Variants in TSPAN9 observed in about 807,000 individuals in gnomAD.
TSPAN9 encodes the protein tetraspanin 9.
Under a neutral mutation model 31.0 loss-of-function variants are expected in TSPAN9, and 16 were observed. That is an observed-to-expected ratio of 0.52 (90% confidence interval 0.35 to 0.78). TSPAN9 has a LOEUF of 0.78. Among genes scored for constraint, TSPAN9 ranks in the 30% least tolerant of loss-of-function variants. The pLI is 0.01. For missense variants in TSPAN9, 272 were observed against 312.5 expected (o/e 0.87, Z 0.98); for synonymous variants, 145 against 121.6 (o/e 1.19, Z -1.27).
chr12:3,182,803 G>T (rs976079647), intron 2 of TSPAN9, among the ~76,000 whole-genome samples: 2 of 152,192 alleles, frequency 1.3e-5, no homozygotes, highest in Non-Finnish European at 2.9e-5. Context: ...CATGCCAAGG[G>T]AGGGGAGGCT....
intron 2 of TSPAN9, among the ~76,000 whole-genome samples, chr12:3,117,462 C>T (rs2098322955): frequency 1.3e-5 from 2 of 149,312 alleles, no homozygotes; most frequent in Admixed American, 1.4e-4. Context: ...TAGGGCCTGT[C>T]TCTTCCGTTG....
At chr12:3,148,135 G>A (rs1466126124) in intron 2 of TSPAN9, among the ~76,000 whole-genome samples, 1 of 152,188 alleles carries the variant, frequency 6.6e-6, no homozygotes, top group Admixed American at 6.5e-5. Context: ...ATTGGCTAAA[G>A]CACTGTATGG....
At chr12:3,206,420 T>A (rs1288283648) in intron 3 of TSPAN9, 2 of 453,166 alleles carry the variant, frequency 4.4e-6, no homozygotes, top group Admixed American at 4.7e-5. Context: ...AAGGGAGAGG[T>A]GAGAGCATTC....
intron 3 of TSPAN9, among the ~76,000 whole-genome samples, chr12:3,249,590 A>G (rs1292568318): frequency 6.6e-6 from 1 of 152,132 alleles, no homozygotes; most frequent in Non-Finnish European, 1.5e-5. Context: ...GGCCGAGCCC[A>G]TGTCTGACTT....
intron 2 of TSPAN9, among the ~76,000 whole-genome samples, chr12:3,114,070 A>G (rs1565580533): frequency 6.6e-6 from 1 of 152,212 alleles, no homozygotes; most frequent in Non-Finnish European, 1.5e-5. Context: ...CCTCTCCTGC[A>G]TCTCTGACAT....
chr12:3,285,339 C>T lies in TSPAN9; in HGVS notation c.*2223C>T, dbSNP rs1277508278. On this transcript the variant is annotated 3_prime_UTR_variant, in exon 9 of 9. Coordinates refer to ENST00000011898, the MANE Select transcript of TSPAN9 (RefSeq NM_006675.5). The stretch of plus-strand genomic sequence containing the variant: ...TTTTGTTAATATCAACAGCAAAAGC[C>T]TAGTGCATTGGGAGATGTGCAACCT... 1 of 152,184 alleles carries T rather than the reference C, an allele frequency of 6.6e-6. No homozygotes were observed. Among genetic ancestry groups the T allele is most frequent in the Non-Finnish European group, 1.5e-5 (1 of 68,038 alleles). The allele number at this position is 152,184 out of a possible 1,614,324, so 9.4% of individuals were successfully genotyped here.
intron 3 of TSPAN9, among the ~76,000 whole-genome samples, chr12:3,241,532 C>T (rs2098396576): frequency 6.6e-6 from 1 of 152,222 alleles, no homozygotes; most frequent in Non-Finnish European, 1.5e-5. Context: ...AATACAACTT[C>T]ATATGACCAG....
At position 3,187,796 on chromosome 12, in the gene TSPAN9, T is replaced by A. The variant is rs910587453; in HGVS notation, c.-17-13381T>A. On this transcript the variant is annotated intron_variant, in intron 2 of 8. Transcript: ENST00000011898. This position sits in a 1 kb window ranked among gnomAD's most constrained non-coding sequence, Gnocchi z 5.2. ...ATGCAAGCCCAACACGTACCCCTTCTCCAAGAAGCCCTTCCTGATGGGCCA... is the reference window on the plus strand; with the variant it reads ...ATGCAAGCCCAACACGTACCCCTTCACCAAGAAGCCCTTCCTGATGGGCCA... Among the ~76,000 whole-genome samples the A allele has an allele frequency of 6.6e-6, 1 of 152,074 alleles. No individual in the cohort carries two copies. Among genetic ancestry groups the A allele is most frequent in the African/African-American group, 2.4e-5 (1 of 41,396 alleles).
chr12:3,170,624 GGTC>G lies in TSPAN9; in HGVS notation c.-17-30552_-17-30550del, dbSNP rs1310023338. On this transcript the variant is annotated intron_variant, in intron 2 of 8. Transcript: ENST00000011898. This position sits in a 1 kb window ranked among gnomAD's most constrained non-coding sequence, Gnocchi z 4.4. ...TCGTGATGGGGGAGCAGATGGCCCT[GGTC>G]ATGCATGTGGCTTCTCCTGGCCACA... 1.3e-5 allele frequency among the ~76,000 whole-genome samples: 2 copies of G among 152,074 alleles called. No homozygotes were observed. Among genetic ancestry groups the G allele is most frequent in the Non-Finnish European group, 2.9e-5 (2 of 68,008 alleles).
At position 3,098,212 on chromosome 12, in the gene TSPAN9, T is replaced by G. The variant is rs547080909; in HGVS notation, c.-18+14493T>G. Reference sequence around the variant, plus strand: ...TGTCAAGTGAGGGGTTTATGATGCCTGAAGTCCTTTCTGGCTTAAGAGTTA... The same window carrying G: ...TGTCAAGTGAGGGGTTTATGATGCCGGAAGTCCTTTCTGGCTTAAGAGTTA... On this transcript the variant is annotated intron_variant, in intron 2 of 8. Transcript: ENST00000011898. 3.5e-4 allele frequency among the ~76,000 whole-genome samples: 53 copies of G among 152,352 alleles called. No homozygotes were observed. The South Asian group carries it at 0.011, about 31-fold the overall frequency.
At chr12:3,204,922 G>A (rs2098374147) in intron 3 of TSPAN9, among the ~76,000 whole-genome samples, 1 of 152,146 alleles carries the variant, frequency 6.6e-6, no homozygotes, top group African/African-American at 2.4e-5. Flanking sequence ...TGGTAGTAGA[G>A]ATTAAATGAT....
At chr12:3,266,714 A>G (rs1380367853) in intron 3 of TSPAN9, among the ~76,000 whole-genome samples, 1 of 152,184 alleles carries the variant, frequency 6.6e-6, no homozygotes, top group Non-Finnish European at 1.5e-5. Flanking sequence ...TGGCAGAGAG[A>G]CCTGCGCTGA....
chr12:3,220,145 C>CAAAAAAAAAAAAAAAAAAAAAAAAAAAA lies in TSPAN9; in HGVS notation c.63+18903_63+18904insAAAAAAAAAAAAAAAAAAAAAAAAAAAA, dbSNP rs55735802. On this transcript the variant is annotated intron_variant, in intron 3 of 8. Transcript: ENST00000011898. ...GGGTGACAAGAGCGAAACTCTGTCTCAAAAAAAAAAAAAAGGAATGAATCT... is the reference window on the plus strand; with the variant it reads ...GGGTGACAAGAGCGAAACTCTGTCTCAAAAAAAAAAAAAAAAAAAAAAAAAAAAAAAAAAAAAAAAAAGGAATGAATCT... 1.2e-4 allele frequency among the ~76,000 whole-genome samples: 16 copies of CAAAAAAAAAAAAAAAAAAAAAAAAAAAA among 137,366 alleles called. 1 individual carries two copies. The highest frequency in any genetic ancestry group is 2.0e-4 in the African/African-American group (7 of 34,888). The allele number at this position is 137,366 out of a possible 152,430, so 90.1% of individuals were successfully genotyped here. A position where few individuals can be genotyped will look rare whatever the true frequency, so the allele number is the denominator to read the frequency against.
chr12:3,230,374 T>TGTGAG (rs2098390030), intron 3 of TSPAN9, among the ~76,000 whole-genome samples: 1 of 151,758 alleles, frequency 6.6e-6, no homozygotes, highest in African/African-American at 2.4e-5. Context: ...CAGCCAGGCT[T>TGTGAG]CCCCCTCCCT....
intron 2 of TSPAN9, among the ~76,000 whole-genome samples, chr12:3,100,952 CA>C (rs2098311603): frequency 6.6e-6 from 1 of 152,210 alleles, no homozygotes. Context: ...AACCATGCTT[CA>C]TGGTTACTAA....
At chr12:3,084,842 T>C (rs1424834838) in intron 2 of TSPAN9, among the ~76,000 whole-genome samples, 1 of 152,208 alleles carries the variant, frequency 6.6e-6, no homozygotes, top group Non-Finnish European at 1.5e-5. Flanking sequence ...GCGCCTGCCT[T>C]TTCTAATGCA....
rs953669201 is a variant in TSPAN9, at chr12:3,147,319, G to A, written c.-17-53858G>A. On this transcript the variant is annotated intron_variant, in intron 2 of 8. Transcript: ENST00000011898. The surrounding 1 kb of genome is among the most constrained non-coding windows in gnomAD (Gnocchi z 4.3). ...CTGGAGAGAATGACAGGCGTCCCATGTATCCCAAAAATGCAGTGTGGTGTG... is the reference window on the plus strand; with the variant it reads ...CTGGAGAGAATGACAGGCGTCCCATATATCCCAAAAATGCAGTGTGGTGTG... Among the ~76,000 whole-genome samples, 2 of 152,190 alleles carry A rather than the reference G, an allele frequency of 1.3e-5. No homozygotes were observed. Among genetic ancestry groups the A allele is most frequent in the African/African-American group, 4.8e-5 (2 of 41,454 alleles).
At chr12:3,123,532 C>T (rs749721415) in intron 2 of TSPAN9, among the ~76,000 whole-genome samples, 88 of 151,966 alleles carry the variant, frequency 5.8e-4, no homozygotes, top group Non-Finnish European at 7.9e-4. Context: ...AGGGCCTGGG[C>T]GAGCTTCAGA....
At chr12:3,194,100 C>T (rs559163844) in intron 2 of TSPAN9, among the ~76,000 whole-genome samples, 8 of 152,324 alleles carry the variant, frequency 5.3e-5, no homozygotes, top group Non-Finnish European at 8.8e-5. Context: ...GATTTAGGCA[C>T]GCTGGTCTGC....
Sources: allele counts gnomAD v4.1 joint callset (sites outside exome capture counted in the v4.1 genomes callset), GRCh38; gene constraint gnomAD v4.1.1; non-coding constraint Gnocchi (gnomAD v3.1); transcripts MANE v1.5; gene names NCBI Gene and HGNC (gene_info 2026-07-23, HGNC 2026-07-21).